GAB2: variants seen among roughly 807,000 people sequenced by gnomAD.
GAB2 encodes the protein GRB2 associated binding protein 2.
GAB2 carries 26 observed loss-of-function variants against 65.5 expected under a neutral mutation model. The observed-to-expected ratio is 0.40, with a 90% CI of 0.29 to 0.55. GAB2 has a LOEUF of 0.55. GAB2 is among the 20% of genes least tolerant of loss of function. The pLI, the probability that GAB2 is intolerant of heterozygous loss-of-function variation, is 0.53. For synonymous variants in GAB2, 321 were observed against 329.6 expected (o/e 0.97, Z 0.28); for missense variants, 884 against 875.8 (o/e 1.01, Z -0.12).
intron 7 of GAB2, 55 bp from the exon 8 acceptor site, chr11:78,221,834 T>A: frequency 1.6e-6 from 2 of 1,272,430 alleles, no homozygotes; most frequent in Non-Finnish European, 2.3e-6. Flanking sequence ...GCTGCCATGT[T>A]TCTAGCCTCC....
At chr11:78,237,535 A>G (rs1391823414) in intron 3 of GAB2, among the ~76,000 whole-genome samples, 1 of 152,206 alleles carries the variant, frequency 6.6e-6, no homozygotes, top group African/African-American at 2.4e-5. Context: ...GGAATGAGGT[A>G]AGGGAAGGAT....
chr11:78,317,198 T>C (rs1855625568), intron 1 of GAB2, among the ~76,000 whole-genome samples: 1 of 152,180 alleles, frequency 6.6e-6, no homozygotes, highest in Admixed American at 6.5e-5. Context: ...AAAGGAGTTT[T>C]GGAGATGGAT....
intron 2 of GAB2, among the ~76,000 whole-genome samples, chr11:78,280,267 G>A (rs1248402741): frequency 1.3e-5 from 2 of 152,172 alleles, no homozygotes; most frequent in African/African-American, 4.8e-5. Context: ...CTATGGGATG[G>A]GTGACAGATA....
chr11:78,227,761 C>T (rs1864724768), intron 3 of GAB2, among the ~76,000 whole-genome samples: 1 of 152,042 alleles, frequency 6.6e-6, no homozygotes, highest in African/African-American at 2.4e-5. Context: ...GATCGCACCA[C>T]TGCATTCCAG....
chr11:78,375,847 T>A (rs1293644244), intron 1 of GAB2, among the ~76,000 whole-genome samples: 2 of 152,206 alleles, frequency 1.3e-5, no homozygotes, highest in East Asian at 3.9e-4. Context: ...TTCCATTTCA[T>A]TCAGAAGCTT....
intron 1 of GAB2, among the ~76,000 whole-genome samples, chr11:78,300,685 G>GTTTTTTT (rs763136988): frequency 6.6e-5 from 8 of 120,684 alleles, no homozygotes; most frequent in African/African-American, 2.1e-4. Context: ...TTTTTTTTTG[G>GTTTTTTT]TTTTTTTTTG....
chr11:78,408,327 G>A (rs930023296), intron 1 of GAB2, among the ~76,000 whole-genome samples: 14 of 152,078 alleles, frequency 9.2e-5, no homozygotes, highest in African/African-American at 3.1e-4. Flanking sequence ...TAGATTATAA[G>A]ACGACACCAA....
At chr11:78,229,686 C>A (rs1032225710) in intron 3 of GAB2, among the ~76,000 whole-genome samples, 1 of 152,174 alleles carries the variant, frequency 6.6e-6, no homozygotes. Context: ...CAGGATTAAG[C>A]CCAAACTCCT....
At chr11:78,372,469 G>A (rs911494031) in intron 1 of GAB2, among the ~76,000 whole-genome samples, 5 of 152,006 alleles carry the variant, frequency 3.3e-5, no homozygotes, top group Admixed American at 2.6e-4. Context: ...TATTCCCTAG[G>A]CCCACTCTAC....
intron 1 of GAB2, among the ~76,000 whole-genome samples, chr11:78,330,683 C>T (rs1163149255): frequency 2.0e-5 from 3 of 152,164 alleles, no homozygotes; most frequent in Admixed American, 2.0e-4. Context: ...ATAGCGTATT[C>T]ATTTATATTG....
chr11:78,331,523 G>A (rs1855913703), intron 1 of GAB2, among the ~76,000 whole-genome samples: 1 of 152,180 alleles, frequency 6.6e-6, no homozygotes, highest in African/African-American at 2.4e-5. Flanking sequence ...GGGATTACAG[G>A]CGTGAGCCAC....
intron 1 of GAB2, among the ~76,000 whole-genome samples, chr11:78,294,633 T>A (rs989733849): frequency 1.3e-5 from 2 of 152,152 alleles, no homozygotes; most frequent in Non-Finnish European, 2.9e-5. Context: ...AAACAAGAAA[T>A]GGGGAAACGA....
At chr11:78,259,333 G>A (rs1293652179) in intron 2 of GAB2, among the ~76,000 whole-genome samples, 1 of 152,166 alleles carries the variant, frequency 6.6e-6, no homozygotes, top group Non-Finnish European at 1.5e-5. Flanking sequence ...ATTACTAGAA[G>A]TGGAATGGTG....
rs964642447 is a variant in GAB2, at chr11:78,417,811, G to A, written c.-91C>T. 6.5e-6 allele frequency: 4 copies of A among 617,102 alleles called. No individual in the cohort carries two copies. Among genetic ancestry groups the A allele is most frequent in the African/African-American group, 6.0e-5 (3 of 49,896 alleles). The allele number at this position is 617,102 out of a possible 1,614,324, so 38.2% of individuals were successfully genotyped here. On this transcript the variant is annotated 5_prime_UTR_variant, in exon 1 of 10. Coordinates refer to ENST00000361507, the MANE Select transcript of GAB2 (RefSeq NM_080491.3). ...GCGGCCGGCGGTGCGCAGCTCGCGG[G>A]AGGCCAGGGGCGGGGCGGGCGGCCC...
intron 1 of GAB2, among the ~76,000 whole-genome samples, chr11:78,304,371 T>G (rs190745978): frequency 6.6e-6 from 1 of 152,314 alleles, no homozygotes; most frequent in Non-Finnish European, 1.5e-5. Context: ...ATCTTCCCCT[T>G]CTTCCATCCC....
chr11:78,305,784 C>T (rs375465630), intron 1 of GAB2, among the ~76,000 whole-genome samples: 5 of 152,144 alleles, frequency 3.3e-5, no homozygotes, highest in African/African-American at 7.2e-5. Flanking sequence ...CTCTGGAGTC[C>T]GGGATGCATT....
At chr11:78,278,041 T>C (rs1866222921) in intron 2 of GAB2, among the ~76,000 whole-genome samples, 1 of 151,812 alleles carries the variant, frequency 6.6e-6, no homozygotes, top group South Asian at 2.1e-4. Flanking sequence ...TTGAGACTGG[T>C]GTGTTTGTGA....
intron 1 of GAB2, among the ~76,000 whole-genome samples, chr11:78,349,157 T>C (rs1429449772): frequency 6.6e-6 from 1 of 152,158 alleles, no homozygotes; most frequent in African/African-American, 2.4e-5. Context: ...TACACAGATA[T>C]AGTTCACTGT....
At chr11:78,307,929 G>A (rs1855405790) in intron 1 of GAB2, among the ~76,000 whole-genome samples, 1 of 152,138 alleles carries the variant, frequency 6.6e-6, no homozygotes, top group Non-Finnish European at 1.5e-5. Flanking sequence ...GACTGAGTAA[G>A]GAAGATCCAT....
Sources: allele counts gnomAD v4.1 joint callset (sites outside exome capture counted in the v4.1 genomes callset), GRCh38; gene constraint gnomAD v4.1.1; transcripts MANE v1.5; gene names NCBI Gene and HGNC (gene_info 2026-07-23, HGNC 2026-07-21).